Variants in ALDH3A1 observed in about 807,000 individuals in gnomAD.
ALDH3A1 encodes aldehyde dehydrogenase 3 family member A1.
A neutral mutation model predicts 49.9 loss-of-function variants in ALDH3A1; 46 were observed. The observed-to-expected ratio is 0.92, with a 90% CI of 0.73 to 1.18. The LOEUF is 1.18. ALDH3A1 is among the 50% of genes most tolerant of loss of function. The probability of loss-of-function intolerance (pLI) is 0.00; values close to 1 mark genes in which losing one functional copy is unlikely to be tolerated. For missense variants in ALDH3A1, 592 were observed against 611.8 expected, an observed-to-expected ratio of 0.97 and a Z score of 0.34; for synonymous variants, 269 against 253.3, an observed-to-expected ratio of 1.06 and a Z score of -0.59.
At chr17:19,740,045 A>C in intron 7 of ALDH3A1, 1 of 463,416 alleles carries the variant, frequency 2.2e-6, no homozygotes, top group East Asian at 3.6e-5. Flanking sequence ...ACGGCTGGGC[A>C]CACCTGGGGC....
intron 3 of ALDH3A1, chr17:19,742,955 C>T: frequency 2.6e-6 from 4 of 1,525,762 alleles, no homozygotes; most frequent in Non-Finnish European, 2.6e-6. Flanking sequence ...AGGAAGGAAG[C>T]CCTGATGCAT....
At chr17:19,744,741 G>C (rs889169465) in intron 2 of ALDH3A1, 1 of 1,359,858 alleles carries the variant, frequency 7.4e-7, no homozygotes, top group African/African-American at 1.5e-5. Context: ...CTGCGGGCGG[G>C]ACGCGGAGGC....
In ALDH3A1 at chr17:19,746,697, G is replaced by A. The variant is rs118106687; in HGVS notation, c.-6+1562C>T. On this transcript the variant is annotated intron_variant, in intron 1 of 10. Transcript: ENST00000225740. Reference sequence around the variant, plus strand: ...TGTGTGCATGTGCGTGTGTGTGTGCGTGCGTGTGTGTGCATGTGCGTGTGT... The same window carrying A: ...TGTGTGCATGTGCGTGTGTGTGTGCATGCGTGTGTGTGCATGTGCGTGTGT... Among the ~76,000 whole-genome samples the A allele has an allele frequency of 2.5e-3, 372 of 148,456 alleles. 14 individuals are homozygous for A. In the East Asian group the frequency reaches 0.061, roughly 24 times the overall value.
rs368594259 is a variant in ALDH3A1 at position 19,741,971 on chromosome 17, G to T, written c.689+33C>A. 1.6e-5 allele frequency: 25 copies of T among 1,604,862 alleles called. No homozygotes were observed. In the African/African-American group the frequency reaches 3.3e-4, roughly 21 times the overall value. ...ATGTGTGCTTGGAAAGCAGAGTAAGGACTGCTGCAGCCAGCAGGCCCGTGC... is the reference window on the plus strand; with the variant it reads ...ATGTGTGCTTGGAAAGCAGAGTAAGTACTGCTGCAGCCAGCAGGCCCGTGC... On this transcript the variant is annotated intron_variant, in intron 5 of 10. Transcript: ENST00000225740.
rs766272845 is a variant in ALDH3A1, at chr17:19,739,607, C to G, written c.1017G>C (p.Val339=). The change falls in exon 8 of 11, where the codon GTG becomes GTC. Residue 339 remains valine, a synonymous_variant. Coordinates refer to ENST00000225740, the MANE Select transcript of ALDH3A1 (RefSeq NM_000691.5). ...PVMQEEIFGP[V]LPIVCVRSLE... ...GGCTGCGCACGCACACGATGGGCAGCACAGGCCCGAAGATCTCCTCTTGCA... is the reference window on the plus strand; with the variant it reads ...GGCTGCGCACGCACACGATGGGCAGGACAGGCCCGAAGATCTCCTCTTGCA... 1 of 1,613,998 alleles carries G rather than the reference C, an allele frequency of 6.2e-7. No individual in the cohort carries two copies.
chr17:19,740,196 C>A, intron 7 of ALDH3A1, 140 bp downstream of exon 7: 1 of 1,135,418 alleles, frequency 8.8e-7, no homozygotes, highest in East Asian at 2.5e-5. Flanking sequence ...TGGAGTCTAC[C>A]GCAGGCTCCC....
At chr17:19,745,278 C>G in intron 1 of ALDH3A1, 144 bp from the exon 2 acceptor site, 1 of 859,866 alleles carries the variant, frequency 1.2e-6, no homozygotes. Context: ...CTTTCTGCCT[C>G]GCCTCCTCTC....
rs1211578399 is a variant in ALDH3A1 at position 19,744,902 on chromosome 17, C to CG, written c.162+65_162+66insC. The CG allele has an allele frequency of 2.7e-5, 11 of 411,994 alleles. 2 individuals are homozygous for CG. In the Admixed American group the frequency reaches 6.2e-4, roughly 23 times the overall value. The allele number at this position is 411,994 out of a possible 1,614,324, so 25.5% of individuals were successfully genotyped here. The stretch of plus-strand genomic sequence containing the variant: ...CCTCTCTGGGTCGCACTCTCCCCAG[C>CG]CCCTCCCCCCACGCCCCATCGCATG... On this transcript the variant is annotated intron_variant, in intron 2 of 10. Coordinates refer to ENST00000225740, the MANE Select transcript of ALDH3A1 (RefSeq NM_000691.5).
chr17:19,741,782 C>A (rs540850435), intron 5 of ALDH3A1, among the ~76,000 whole-genome samples: 1 of 152,112 alleles, frequency 6.6e-6, no homozygotes, highest in Non-Finnish European at 1.5e-5. Context: ...CAGAGCTCAG[C>A]CTAGACCTCT....
At chr17:19,744,916 C>CCCCCCCCCCA in intron 2 of ALDH3A1, 52 bp downstream of exon 2, 1 of 1,345,100 alleles carries the variant, frequency 7.4e-7, no homozygotes, top group Non-Finnish European at 9.7e-7. Context: ...TCCCCCCACG[C>CCCCCCCCCCA]CCCATCGCAT....
intron 9 of ALDH3A1, among the ~76,000 whole-genome samples, chr17:19,738,756 T>TGGG (rs1342267027): frequency 6.6e-6 from 1 of 152,224 alleles, no homozygotes; most frequent in East Asian, 1.9e-4. Flanking sequence ...ACCTCTGGCC[T>TGGG]GGGTCACCTT....
At chr17:19,738,265 T>G (rs2086422308) in intron 10 of ALDH3A1, 30 bp from the exon 11 acceptor site, 2 of 1,613,824 alleles carry the variant, frequency 1.2e-6, no homozygotes. Context: ...TGGGCAGTGA[T>G]CCCCAGGCCC....
intron 9 of ALDH3A1, chr17:19,738,654 G>T (rs946117478): frequency 4.7e-5 from 36 of 763,720 alleles, no homozygotes; most frequent in South Asian, 1.3e-4. Context: ...CCTCCTGAGG[G>T]TGGCCAATGT....
intron 7 of ALDH3A1, 46 bp from the exon 8 acceptor site, chr17:19,739,720 C>T (rs377491348): frequency 8.9e-5 from 142 of 1,599,698 alleles, no homozygotes; most frequent in Admixed American, 1.5e-4. Flanking sequence ...GAGACCCCCA[C>T]GCGGATGGAA....
At position 19,745,007 on chromosome 17, in the gene ALDH3A1, C is replaced by G; in HGVS notation, c.123G>C (p.Glu41Asp). The stretch of plus-strand genomic sequence containing the variant: ...CGGCCAGCGCGCCCACCAGCTCCTG[C>G]TCCTGCTCCTGGATCAGGCGCTGCA... ...EALQRLIQEQ[E>D]QELVGALAAD... is the part of the protein sequence containing the mutation. The change falls in exon 2 of 11, where the codon GAG (glutamate) becomes GAC (aspartate). Residue 41 changes from glutamate to aspartate, a missense_variant. Coordinates refer to ENST00000225740, the MANE Select transcript of ALDH3A1 (RefSeq NM_000691.5). The G allele has an allele frequency of 6.3e-7, 1 of 1,591,880 alleles. No individual in the cohort carries two copies.
chr17:19,740,283 TG>T, intron 7 of ALDH3A1, 52 bp downstream of exon 7: 1 of 1,597,678 alleles, frequency 6.3e-7, no homozygotes. Context: ...GTGAACTTGC[TG>T]GGGACCCCTG....
chr17:19,747,940 ATC>A (rs767273796), intron 1 of ALDH3A1: 44 of 171,918 alleles, frequency 2.6e-4, no homozygotes, highest in South Asian at 7.2e-4. Flanking sequence ...ACCCACATGC[ATC>A]TCTGTCAGCA....
chr17:19,744,143 A>AG, intron 2 of ALDH3A1: 1 of 984,462 alleles, frequency 1.0e-6, no homozygotes, highest in Non-Finnish European at 1.2e-6. Context: ...CATGCCTGTA[A>AG]TCCCAGCACT....
chr17:19,740,231 C>T, intron 7 of ALDH3A1, 105 bp downstream of exon 7: 5 of 1,499,458 alleles, frequency 3.3e-6, no homozygotes, highest in Non-Finnish European at 3.6e-6. Flanking sequence ...TATACCCATC[C>T]CGAGGTCGTG....
Sources: gnomAD v4.1 joint callset for allele counts (sites outside exome capture counted in the v4.1 genomes callset) on GRCh38, gnomAD v4.1.1 for gene constraint, MANE v1.5 for transcripts, NCBI Gene and HGNC (gene_info 2026-07-23, HGNC 2026-07-21) for gene names.